Variants in PTPRB observed in about 807,000 individuals in gnomAD.
The protein encoded by PTPRB is receptor-type tyrosine-protein phosphatase beta.
PTPRB carries 97 observed loss-of-function variants against 238.1 expected under a neutral mutation model. The ratio of observed to expected loss-of-function variants is 0.41; its 90% CI spans 0.35 to 0.48. The LOEUF (loss-of-function observed/expected upper bound fraction) is 0.48. Among genes scored for constraint, PTPRB ranks in the 20% least tolerant of loss-of-function variants. PTPRB has a pLI of 0.30. For synonymous variants in PTPRB, 970 were observed against 995.4 expected, an observed-to-expected ratio of 0.97 and a Z score of 0.48; for missense variants, 2,292 against 2,681.9, an observed-to-expected ratio of 0.85 and a Z score of 3.21.
chr12:70,573,505 CT>C lies in PTPRB; in HGVS notation c.2843-1419del, dbSNP rs937307862. Among the ~76,000 whole-genome samples the C allele has an allele frequency of 1.5e-3, 132 of 90,806 alleles. 1 individual carries two copies. In the South Asian group the frequency reaches 0.022, roughly 15 times the overall value. 59.6% of individuals were successfully genotyped at this position (90,806 alleles called of 152,430 possible). On this transcript the variant is annotated intron_variant, in intron 11 of 33. Coordinates refer to ENST00000334414, the MANE Select transcript of PTPRB (RefSeq NM_001109754.4). ...CATGGTTTCTTTTTTCTTTTCTTTT[CT>C]TTTTTTTTTTTTTTTTTTGAGACAG... is the stretch of plus-strand genomic sequence containing the variant.
Position 70,587,146 on chromosome 12 carries a change from G to C in PTPRB, c.2172C>G (p.Leu724=). The change falls in exon 9 of 34, where the codon CTC becomes CTG. Residue 724 remains leucine, a synonymous_variant. Coordinates refer to ENST00000334414, the MANE Select transcript of PTPRB (RefSeq NM_001109754.4). ...KYIISLADRD[L]LLIHKSLSKD... is the part of the protein sequence containing the mutation. ...TGGAGAGTGACTTGTGGATCAGTAA[G>C]AGGTCTCTGTCAGCTAGGGAAATGA... is the stretch of plus-strand genomic sequence containing the variant. 6.2e-7 allele frequency: 1 copy of C among 1,613,914 alleles called. No homozygotes were observed. Among genetic ancestry groups the C allele is most frequent in the Non-Finnish European group, 8.5e-7 (1 of 1,179,836 alleles).
intron 32 of PTPRB, among the ~76,000 whole-genome samples, chr12:70,528,917 G>A (rs1592391340): frequency 7.6e-6 from 1 of 132,030 alleles, no homozygotes. Flanking sequence ...TTTTGAAAGA[G>A]AATGAGTTTG....
intron 15 of PTPRB, among the ~76,000 whole-genome samples, chr12:70,566,173 A>G (rs1378838006): frequency 1.3e-5 from 2 of 152,208 alleles, no homozygotes; most frequent in Non-Finnish European, 1.5e-5. Flanking sequence ...TTAAGCCACT[A>G]AGATTGTGAT....
chr12:70,569,631 A>G (rs1296045272), intron 14 of PTPRB, 44 bp downstream of exon 14: 2 of 1,607,448 alleles, frequency 1.2e-6, no homozygotes, highest in Non-Finnish European at 1.7e-6. Context: ...TTGGAGAACC[A>G]TGAGGCATTC....
chr12:70,635,179 C>T (rs1371790208), intron 2 of PTPRB, among the ~76,000 whole-genome samples: 1 of 152,142 alleles, frequency 6.6e-6, no homozygotes, highest in African/African-American at 2.4e-5. Context: ...AACAGCAATA[C>T]AAGAGATTTG....
At chr12:70,625,247 A>G (rs188526416) in intron 2 of PTPRB, among the ~76,000 whole-genome samples, 1 of 152,170 alleles carries the variant, frequency 6.6e-6, no homozygotes, top group Non-Finnish European at 1.5e-5. Flanking sequence ...AGTTTTGTCA[A>G]ATTTAAAGCA....
intron 20 of PTPRB, among the ~76,000 whole-genome samples, chr12:70,553,835 T>C (rs1877258649): frequency 6.6e-6 from 1 of 152,234 alleles, no homozygotes; most frequent in Non-Finnish European, 1.5e-5. Flanking sequence ...ATGTTGTCTT[T>C]AGCATGAGTG....
In PTPRB at chr12:70,630,596, G is replaced by T. The variant is rs899547225; in HGVS notation, c.451+5075C>A. Among the ~76,000 whole-genome samples the T allele has an allele frequency of 6.6e-5, 10 of 152,280 alleles. 1 individual carries two copies. The highest frequency in any genetic ancestry group is 1.9e-4 in the East Asian group (1 of 5,176). On this transcript the variant is annotated intron_variant, in intron 2 of 33. Transcript: ENST00000334414. Reference sequence around the variant, plus strand: ...CAATCAGGCAAGAGAAAGAAATAAAGGGTATTCGATTAGGAAAAGAGGAAA... The same window carrying T: ...CAATCAGGCAAGAGAAAGAAATAAATGGTATTCGATTAGGAAAAGAGGAAA...
At chr12:70,580,240 T>G (rs1324331081) in intron 10 of PTPRB, among the ~76,000 whole-genome samples, 3 of 152,216 alleles carry the variant, frequency 2.0e-5, no homozygotes, top group Non-Finnish European at 2.9e-5. Flanking sequence ...AAAAATTGTT[T>G]AGATAGCATA....
At chr12:70,592,109 C>T in intron 7 of PTPRB, 173 bp downstream of exon 7, 2 of 811,030 alleles carry the variant, frequency 2.5e-6, no homozygotes, top group South Asian at 3.6e-5. Context: ...AATCCAAACT[C>T]AGTTGCCTAA....
intron 18 of PTPRB, among the ~76,000 whole-genome samples, chr12:70,557,746 A>G (rs763638970): frequency 1.3e-5 from 2 of 152,212 alleles, no homozygotes; most frequent in Non-Finnish European, 2.9e-5. Flanking sequence ...TGCTGGGCTC[A>G]TTGCCTTGTG....
intron 32 of PTPRB, among the ~76,000 whole-genome samples, chr12:70,524,959 GTATGTGTATATA>G (rs1317345804): frequency 6.9e-6 from 1 of 144,830 alleles, no homozygotes; most frequent in African/African-American, 2.7e-5. Context: ...GTGTATATAT[GTATGTGTATATA>G]TGTGTGTGTG....
intron 9 of PTPRB, chr12:70,585,022 C>T (rs1468807644): frequency 1.3e-5 from 2 of 148,708 alleles, no homozygotes; most frequent in Admixed American, 6.8e-5. Context: ...TGTGCAGTGG[C>T]AGGATCTCGA....
chr12:70,572,672 G>C, intron 11 of PTPRB, among the ~76,000 whole-genome samples: 1 of 150,422 alleles, frequency 6.6e-6, no homozygotes, highest in Non-Finnish European at 1.5e-5. Flanking sequence ...GGGAGGCTGA[G>C]ATGGAAGAAT....
chr12:70,580,187 AT>A (rs1881228393), intron 10 of PTPRB, among the ~76,000 whole-genome samples: 1 of 152,096 alleles, frequency 6.6e-6, no homozygotes. Flanking sequence ...AATGACACTT[AT>A]TTGTTTACTT....
chr12:70,636,147 A>T (rs1885679783), intron 1 of PTPRB, 81 bp from the exon 2 acceptor site: 1 of 1,316,414 alleles, frequency 7.6e-7, no homozygotes, highest in African/African-American at 1.5e-5. Flanking sequence ...CCCACAAATG[A>T]GCTAAATAAA....
chr12:70,519,451 A>AGGATTCTCTTTATGT lies in PTPRB; in HGVS notation c.*2023_*2037dup, dbSNP rs1165278245. ...TAGTAACAACAATCCTAACTTTATGAGGATTCTCTTTATGTGAGTAGAAAT... is the reference window on the plus strand; with the variant it reads ...TAGTAACAACAATCCTAACTTTATGAGGATTCTCTTTATGTGGATTCTCTTTATGTGAGTAGAAAT... On this transcript the variant is annotated 3_prime_UTR_variant, in exon 34 of 34. Coordinates refer to ENST00000334414, the MANE Select transcript of PTPRB (RefSeq NM_001109754.4). 6.6e-6 allele frequency: 1 copy of AGGATTCTCTTTATGT among 152,174 alleles called. No individual in the cohort carries two copies. The highest frequency in any genetic ancestry group is 2.4e-5 in the African/African-American group (1 of 41,426). 9.4% of individuals were successfully genotyped at this position (152,174 alleles called of 1,614,324 possible).
At chr12:70,534,230 A>G (rs1040895632) in intron 31 of PTPRB, among the ~76,000 whole-genome samples, 1 of 152,296 alleles carries the variant, frequency 6.6e-6, no homozygotes, top group African/African-American at 2.4e-5. Context: ...GTAGGAAAAA[A>G]GCAAGAGGGA....
At chr12:70,550,204 T>C (rs1429531441) in intron 21 of PTPRB, among the ~76,000 whole-genome samples, 1 of 152,236 alleles carries the variant, frequency 6.6e-6, no homozygotes, top group Non-Finnish European at 1.5e-5. Context: ...AGGGTTGAGC[T>C]GGCTTTTGAA....
Sources: gnomAD v4.1 joint callset for allele counts (sites outside exome capture counted in the v4.1 genomes callset) on GRCh38, gnomAD v4.1.1 for gene constraint, MANE v1.5 for transcripts, NCBI Gene and HGNC (gene_info 2026-07-23, HGNC 2026-07-21) for gene names.